The following RANBP2 variants were observed in gnomAD, a reference collection of about 807,000 sequenced individuals.
RANBP2 encodes the protein RAN binding protein 2, also known as E3 SUMO-protein ligase RanBP2.
Under a neutral mutation model 303.6 loss-of-function variants are expected in RANBP2, and 57 were observed. The ratio of observed to expected loss-of-function variants is 0.19; its 90% CI spans 0.15 to 0.23. The LOEUF is 0.23. RANBP2 is among the 10% of genes least tolerant of loss of function. The probability of loss-of-function intolerance (pLI) is 1.00; values close to 1 mark genes in which losing one functional copy is unlikely to be tolerated. For missense variants in RANBP2, 3,138 were observed against 3,780.8 expected (o/e 0.83, Z 4.46); for synonymous variants, 1,167 against 1,301.5 (o/e 0.90, Z 2.23).
chr2:109,545,471 T>C, the RANBP2 span: 1 of 1,536,176 alleles, frequency 6.5e-7, no homozygotes, highest in South Asian at 1.2e-5. Context: ...TTTCTCTGCG[T>C]CTTTACGTCC....
the RANBP2 span, among the ~76,000 whole-genome samples, chr2:109,426,978 ATTTT>A: frequency 3.0e-3 from 446 of 148,732 alleles, 2 homozygotes; most frequent in African/African-American, 0.011. Context: ...ATATATATAT[ATTTT>A]TTTTTGAGAC....
At chr2:109,121,716 T>A in the RANBP2 span, among the ~76,000 whole-genome samples, 1 of 152,276 alleles carries the variant, frequency 6.6e-6, no homozygotes, top group South Asian at 2.1e-4. Flanking sequence ...CAGGGGTTAC[T>A]CTTCTCCCTG....
rs761991452 is a variant in RANBP2 at position 108,763,833 on chromosome 2, A to G, written c.3294A>G (p.Thr1098=). 1.9e-6 allele frequency: 3 copies of G among 1,614,108 alleles called. No individual in the cohort carries two copies. Among genetic ancestry groups the G allele is most frequent in the Admixed American group, 3.3e-5 (2 of 60,016 alleles). Residue 1098 remains threonine, a synonymous_variant, in exon 20 of 29, where the codon ACA becomes ACG. Transcript: ENST00000283195. ...PGGQTIGPRN[T]FNFGSKNVSG... ...GTCAAACCATTGGGCCTCGAAATAC[A>G]TTCAATTTTGGAAGCAAAAATGTGT...
At chr2:109,565,390 A>T in the RANBP2 span, among the ~76,000 whole-genome samples, 1 of 152,288 alleles carries the variant, frequency 6.6e-6, no homozygotes, top group East Asian at 1.9e-4. Flanking sequence ...CTTATTCTGG[A>T]AATAGCCGGC....
At chr2:109,477,168 C>T in the RANBP2 span, among the ~76,000 whole-genome samples, 4 of 152,162 alleles carry the variant, frequency 2.6e-5, no homozygotes, top group Non-Finnish European at 5.9e-5. Flanking sequence ...CCTGAATGAC[C>T]GTTGGCCTAG....
At chr2:109,181,069 A>G in the RANBP2 span, among the ~76,000 whole-genome samples, 1 of 152,208 alleles carries the variant, frequency 6.6e-6, no homozygotes, top group Non-Finnish European at 1.5e-5. Flanking sequence ...CACAGTACTC[A>G]CAGACCCTCC....
At chr2:109,019,449 A>G in the RANBP2 span, among the ~76,000 whole-genome samples, 21,956 of 152,142 alleles carry the variant, frequency 0.14, 2,375 homozygotes, top group African/African-American at 0.3. Flanking sequence ...GTAAAGTGCC[A>G]CTGAACATTC....
chr2:109,313,303 A>G, the RANBP2 span, among the ~76,000 whole-genome samples: 8 of 152,286 alleles, frequency 5.3e-5, 1 homozygote, highest in East Asian at 1.2e-3. Flanking sequence ...CATCCATCCC[A>G]AGGGGGGAGG....
At chr2:109,488,351 C>A in the RANBP2 span, among the ~76,000 whole-genome samples, 1 of 152,324 alleles carries the variant, frequency 6.6e-6, no homozygotes, top group Non-Finnish European at 1.5e-5. Flanking sequence ...TGCCACCTGT[C>A]CCCTGGAGGC....
At chr2:109,184,123 G>A in the RANBP2 span, among the ~76,000 whole-genome samples, 2 of 152,194 alleles carry the variant, frequency 1.3e-5, no homozygotes, top group Non-Finnish European at 2.9e-5. Flanking sequence ...GTAGTCTCCT[G>A]CATGTGCTTC....
chr2:109,227,823 T>G, the RANBP2 span, among the ~76,000 whole-genome samples: 1 of 152,342 alleles, frequency 6.6e-6, no homozygotes, highest in East Asian at 1.9e-4. Flanking sequence ...GAATTCCCGC[T>G]CACTCTGGCA....
chr2:109,475,125 G>A, the RANBP2 span, among the ~76,000 whole-genome samples: 10 of 152,036 alleles, frequency 6.6e-5, no homozygotes, highest in East Asian at 3.9e-4. Flanking sequence ...CTACAGGTGC[G>A]CACCACCACG....
At chr2:108,822,798 T>A in the RANBP2 span, among the ~76,000 whole-genome samples, 4 of 152,262 alleles carry the variant, frequency 2.6e-5, no homozygotes, top group Admixed American at 1.3e-4. Context: ...AAGAGGGAAG[T>A]TTGTAGCTGT....
the RANBP2 span, chr2:109,617,173 A>G: frequency 1.2e-5 from 2 of 166,606 alleles, no homozygotes; most frequent in African/African-American, 2.4e-5. Context: ...ATGTTTTACA[A>G]ATGTTTAAAA....
chr2:108,736,449 C>A (rs1040536124), intron 6 of RANBP2, among the ~76,000 whole-genome samples, 200 bp downstream of exon 6: 3 of 152,048 alleles, frequency 2.0e-5, no homozygotes, highest in African/African-American at 7.2e-5. Flanking sequence ...TATGACTTTC[C>A]TTTTTAGAGA....
the RANBP2 span, among the ~76,000 whole-genome samples, chr2:109,402,117 C>A: frequency 3.5e-3 from 526 of 152,342 alleles, 6 homozygotes; most frequent in African/African-American, 0.011. Context: ...GCTGCCCCTG[C>A]GGGCTCCAGT....
At chr2:108,756,388 A>C (rs1221803308) in intron 17 of RANBP2, among the ~76,000 whole-genome samples, 2 of 152,152 alleles carry the variant, frequency 1.3e-5, no homozygotes, top group Non-Finnish European at 2.9e-5. Context: ...CTTTTTTGGA[A>C]TTGGAAATAA....
At chr2:109,109,530 T>C in the RANBP2 span, among the ~76,000 whole-genome samples, 3 of 152,250 alleles carry the variant, frequency 2.0e-5, no homozygotes, top group African/African-American at 4.8e-5. Flanking sequence ...CCGAGAACAC[T>C]AATAGGTTTT....
At chr2:109,744,689 A>G in the RANBP2 span, among the ~76,000 whole-genome samples, 1 of 81,614 alleles carries the variant, frequency 1.2e-5, no homozygotes, top group African/African-American at 3.2e-5. Context: ...ATCATATGTC[A>G]CCAGGGAACT....
Sources: allele counts gnomAD v4.1 joint callset (sites outside exome capture counted in the v4.1 genomes callset), GRCh38; gene constraint gnomAD v4.1.1; transcripts MANE v1.5; gene names NCBI Gene and HGNC (gene_info 2026-07-23, HGNC 2026-07-21).